The following DAB1 variants were observed in gnomAD, a reference collection of about 807,000 sequenced individuals.
DAB1 encodes the protein DAB adaptor protein 1, also known as disabled homolog 1.
DAB1 carries 15 observed loss-of-function variants against 64.6 expected under a neutral mutation model. The ratio of observed to expected loss-of-function variants is 0.23; its 90% CI spans 0.16 to 0.36. The LOEUF is 0.36. Among genes scored for constraint, DAB1 ranks in the 10% least tolerant of loss-of-function variants. DAB1 has a pLI of 1.00. For synonymous variants in DAB1, 235 were observed against 251.9 expected (o/e 0.93, Z 0.64); for missense variants, 596 against 706.7 (o/e 0.84, Z 1.78).
chr1:57,194,504 T>TCCTGTGGG (rs1664456493), intron 2 of DAB1, among the ~76,000 whole-genome samples: 2 of 152,166 alleles, frequency 1.3e-5, no homozygotes, highest in South Asian at 4.1e-4. Flanking sequence ...AAAAGAGCAG[T>TCCTGTGGG]CCCACAACAA....
At chr1:58,545,226 C>T (rs1395193939) in intron 1 of DAB1, among the ~76,000 whole-genome samples, 1 of 152,196 alleles carries the variant, frequency 6.6e-6, no homozygotes, top group Non-Finnish European at 1.5e-5. Context: ...CACTGCTTAG[C>T]TCTGCACATG....
intron 4 of DAB1, among the ~76,000 whole-genome samples, chr1:58,197,642 C>T (rs551020715): frequency 1.8e-4 from 28 of 151,766 alleles, no homozygotes; most frequent in Admixed American, 4.6e-4. Flanking sequence ...GATTCGCCCA[C>T]CTCAGCCTCC....
chr1:57,919,637 T>C lies in DAB1; in HGVS notation n.388-35475A>G, dbSNP rs184433397. Among the ~76,000 whole-genome samples the C allele has an allele frequency of 3.3e-4, 50 of 152,348 alleles. 1 individual carries two copies. Among genetic ancestry groups the C allele is most frequent in the Admixed American group, 3.0e-3 (46 of 15,310 alleles). ...GGACAAAGAATCTTTTTGAGCTCTATGGAACTGTCTTCATTTGAAAAAGGA... is the reference window on the plus strand; with the variant it reads ...GGACAAAGAATCTTTTTGAGCTCTACGGAACTGTCTTCATTTGAAAAAGGA... On this transcript the variant is annotated intron_variant and non_coding_transcript_variant, in intron 5 of 20. Coordinates refer to the DAB1 transcript ENST00000485760.
intron 1 of DAB1, among the ~76,000 whole-genome samples, chr1:57,841,718 G>C (rs887971368): frequency 5.9e-5 from 9 of 152,216 alleles, no homozygotes; most frequent in Non-Finnish European, 1.2e-4. Flanking sequence ...GCATGGAGCA[G>C]CGGAGCCCTG....
chr1:58,052,785 G>C (rs1647770375), intron 5 of DAB1, among the ~76,000 whole-genome samples: 1 of 152,068 alleles, frequency 6.6e-6, no homozygotes, highest in South Asian at 2.1e-4. Context: ...GGATTCCTAG[G>C]TATTTTATTC....
chr1:57,098,278 AT>A (rs1654355697), intron 4 of DAB1, among the ~76,000 whole-genome samples: 1 of 152,092 alleles, frequency 6.6e-6, no homozygotes, highest in Admixed American at 6.6e-5. Flanking sequence ...TTGGCCTTTT[AT>A]TTATATAGTA....
At chr1:57,687,066 T>TA (rs1278816737) in intron 6 of DAB1, among the ~76,000 whole-genome samples, 5 of 151,926 alleles carry the variant, frequency 3.3e-5, no homozygotes, top group Non-Finnish European at 4.4e-5. Flanking sequence ...GAGAAAGAAA[T>TA]AAAAAAGCAT....
chr1:57,957,167 T>A (rs1454213463), intron 5 of DAB1, among the ~76,000 whole-genome samples: 2 of 152,196 alleles, frequency 1.3e-5, no homozygotes, highest in African/African-American at 4.8e-5. Context: ...GGGACATGAC[T>A]GGATGTCGAG....
intron 5 of DAB1, among the ~76,000 whole-genome samples, chr1:58,104,078 G>C (rs77818249): frequency 0.029 from 4,450 of 152,246 alleles, 204 homozygotes; most frequent in African/African-American, 0.1. Context: ...TTCTAAGAAG[G>C]ATTCTCCAAC....
intron 7 of DAB1, among the ~76,000 whole-genome samples, chr1:57,500,465 G>A (rs539965018): frequency 3.3e-5 from 5 of 152,350 alleles, no homozygotes; most frequent in Admixed American, 2.6e-4. Flanking sequence ...GTGCAAGATT[G>A]AAGAATTCAA....
chr1:57,546,468 C>T (rs994089318), intron 7 of DAB1, among the ~76,000 whole-genome samples: 1 of 152,222 alleles, frequency 6.6e-6, no homozygotes, highest in African/African-American at 2.4e-5. Context: ...AGCTCAACCA[C>T]TTGCTAACTG....
intron 7 of DAB1, among the ~76,000 whole-genome samples, chr1:57,637,489 AG>A (rs1421128039): frequency 6.6e-6 from 1 of 152,178 alleles, no homozygotes; most frequent in Non-Finnish European, 1.5e-5. Flanking sequence ...GTGTAGGGGT[AG>A]CTGAGGTCAT....
At chr1:57,468,345 C>G (rs1687024743) in intron 7 of DAB1, among the ~76,000 whole-genome samples, 1 of 152,104 alleles carries the variant, frequency 6.6e-6, no homozygotes, top group African/African-American at 2.4e-5. Context: ...TATGAGAGTT[C>G]CTTGTGGAAC....
chr1:58,312,486 C>T (rs897110495), intron 4 of DAB1, among the ~76,000 whole-genome samples: 8 of 152,136 alleles, frequency 5.3e-5, no homozygotes, highest in Admixed American at 3.9e-4. Flanking sequence ...AGCTTAAGAA[C>T]GGCCTTCCCT....
intron 9 of DAB1, among the ~76,000 whole-genome samples, chr1:57,052,625 C>T (rs1366786902): frequency 1.3e-5 from 2 of 152,124 alleles, no homozygotes; most frequent in African/African-American, 4.8e-5. Context: ...CACTGGGGTA[C>T]CTGACATGGT....
Position 57,934,063 on chromosome 1 carries a change from TTGTGTGTGTGTGTGTGTG to T in DAB1, n.388-49919_388-49902del, listed in dbSNP as rs55848780. ...GGCGTCCGCCACCAAGCCCAGCTAA[TTGTGTGTGTGTGTGTGTG>T]TGTGTGTGTGTGTGTGTGTGTGTTT... On this transcript the variant is annotated intron_variant and non_coding_transcript_variant, in intron 5 of 20. Transcript: ENST00000485760. Among the ~76,000 whole-genome samples, 9 of 128,100 alleles carry T rather than the reference TTGTGTGTGTGTGTGTGTG, an allele frequency of 7.0e-5. No individual in the cohort carries two copies. The South Asian group carries it at 1.9e-3, about 27-fold the overall frequency. The allele number at this position is 128,100 out of a possible 152,430, so 84.0% of individuals were successfully genotyped here.
At chr1:58,379,877 C>T (rs1419737238) in intron 3 of DAB1, among the ~76,000 whole-genome samples, 3 of 152,140 alleles carry the variant, frequency 2.0e-5, no homozygotes, top group Non-Finnish European at 4.4e-5. Context: ...TTATATAGAA[C>T]CTCTCAGTTT....
At chr1:58,286,716 G>C (rs1244409715) in intron 4 of DAB1, among the ~76,000 whole-genome samples, 2 of 152,210 alleles carry the variant, frequency 1.3e-5, no homozygotes, top group Non-Finnish European at 2.9e-5. Flanking sequence ...CTACACTGTT[G>C]GTGGGAATGT....
chr1:58,449,786 T>C (rs1014445850), intron 3 of DAB1, among the ~76,000 whole-genome samples: 2 of 152,212 alleles, frequency 1.3e-5, no homozygotes, highest in Admixed American at 6.5e-5. Flanking sequence ...TTTAAGGCAG[T>C]TGGGGCTTCC....
Sources: allele counts gnomAD v4.1 joint callset (sites outside exome capture counted in the v4.1 genomes callset), GRCh38; gene constraint gnomAD v4.1.1; transcripts MANE v1.5; gene names NCBI Gene and HGNC (gene_info 2026-07-23, HGNC 2026-07-21).